Variants in SPOCK3 observed in about 807,000 individuals in gnomAD.
The protein encoded by SPOCK3 is SPARC (osteonectin), cwcv and kazal like domains proteoglycan 3, also known as testican-3.
SPOCK3 carries 30 observed loss-of-function variants against 56.6 expected under a neutral mutation model. The observed-to-expected ratio is 0.53, with a 90% CI of 0.40 to 0.72. SPOCK3 has a LOEUF of 0.72. Ranked by LOEUF, SPOCK3 falls within the 30% of genes least tolerant of loss-of-function variation. SPOCK3 has a pLI of 0.00. For synonymous variants in SPOCK3, 196 were observed against 183.3 expected, an observed-to-expected ratio of 1.07 and a Z score of -0.56; for missense variants, 527 against 530.0, an observed-to-expected ratio of 0.99 and a Z score of 0.06.
chr4:166,887,051 T>C (rs1734273766), intron 6 of SPOCK3, among the ~76,000 whole-genome samples: 2 of 152,182 alleles, frequency 1.3e-5, no homozygotes, highest in South Asian at 4.1e-4. Flanking sequence ...CCCTTGATGA[T>C]ATGACTTTTA....
intron 2 of SPOCK3, among the ~76,000 whole-genome samples, chr4:167,170,620 G>T (rs1419144132): frequency 6.6e-6 from 1 of 152,136 alleles, no homozygotes; most frequent in East Asian, 1.9e-4. Context: ...AAGTCACACA[G>T]CTGGAAAGTG....
rs556492894 is a variant in SPOCK3, at chr4:167,169,647, T to C, written c.189+64338A>G. ...GGACTGTGGACTTTTGAATTAATGC[T>C]GAAATTAGTTTAGAATTTAGGGGAC... On this transcript the variant is annotated intron_variant, in intron 2 of 10. Coordinates refer to ENST00000357545, the MANE Select transcript of SPOCK3 (RefSeq NM_001040159.2). Among the ~76,000 whole-genome samples, 11 of 152,316 alleles carry C rather than the reference T, an allele frequency of 7.2e-5. No individual in the cohort carries two copies. In the South Asian group the frequency reaches 1.7e-3, roughly 23 times the overall value.
chr4:166,996,561 C>A (rs1051514612), intron 4 of SPOCK3, among the ~76,000 whole-genome samples: 1 of 152,086 alleles, frequency 6.6e-6, no homozygotes, highest in African/African-American at 2.4e-5. Context: ...GGTTATGTTA[C>A]CATATTGGAA....
At chr4:167,139,614 G>T (rs931913199) in intron 2 of SPOCK3, among the ~76,000 whole-genome samples, 1 of 151,808 alleles carries the variant, frequency 6.6e-6, no homozygotes, top group African/African-American at 2.4e-5. Context: ...GGAGGATGTG[G>T]CTATGAGAAT....
At chr4:166,921,016 C>G (rs959343551) in intron 4 of SPOCK3, among the ~76,000 whole-genome samples, 1 of 152,088 alleles carries the variant, frequency 6.6e-6, no homozygotes, top group East Asian at 1.9e-4. Context: ...ATTATCATTG[C>G]CTTTCTCCTA....
intron 4 of SPOCK3, among the ~76,000 whole-genome samples, chr4:166,989,778 T>C (rs1253547611): frequency 6.6e-6 from 1 of 152,200 alleles, no homozygotes; most frequent in Non-Finnish European, 1.5e-5. Flanking sequence ...TAATGATAGC[T>C]ACTCACACAT....
chr4:166,752,886 C>T (rs1173950010), intron 8 of SPOCK3, among the ~76,000 whole-genome samples: 1 of 151,880 alleles, frequency 6.6e-6, no homozygotes, highest in African/African-American at 2.4e-5. Flanking sequence ...TGTATAAGCT[C>T]TTTTACTAGC....
intron 6 of SPOCK3, among the ~76,000 whole-genome samples, chr4:166,850,723 T>C (rs1271668176): frequency 2.0e-5 from 3 of 152,098 alleles, no homozygotes; most frequent in Non-Finnish European, 4.4e-5. Flanking sequence ...ACCTGGAAAA[T>C]CGGGTCACTC....
chr4:167,049,194 T>C (rs1235677605), intron 3 of SPOCK3, among the ~76,000 whole-genome samples: 1 of 151,730 alleles, frequency 6.6e-6, no homozygotes, highest in African/African-American at 2.4e-5. Context: ...AACCTCTGCC[T>C]CCTGGGTTCA....
At chr4:167,164,690 T>C (rs189637874) in intron 2 of SPOCK3, among the ~76,000 whole-genome samples, 316 of 151,706 alleles carry the variant, frequency 2.1e-3, no homozygotes, top group African/African-American at 7.0e-3. Context: ...GAACCTTCAG[T>C]GTTTGGTTTT....
intron 6 of SPOCK3, among the ~76,000 whole-genome samples, chr4:166,878,296 A>C (rs1733310241): frequency 6.6e-6 from 1 of 152,040 alleles, no homozygotes; most frequent in Non-Finnish European, 1.5e-5. Context: ...AATTGAAACA[A>C]AGTTATAAAC....
At position 166,782,429 on chromosome 4, in the gene SPOCK3, A is replaced by T. The variant is rs148869646; in HGVS notation, c.709+9741T>A. On this transcript the variant is annotated intron_variant, in intron 7 of 10. Coordinates refer to ENST00000357545, the MANE Select transcript of SPOCK3 (RefSeq NM_001040159.2). ...CACTAAAGTAAGTAGATAGAAAAAG[A>T]GTAAGGGTATAGATCTGAAAATCAT... is the stretch of plus-strand genomic sequence containing the variant. Among the ~76,000 whole-genome samples, 130 of 152,318 alleles carry T rather than the reference A, an allele frequency of 8.5e-4. 4 individuals carry two copies. The East Asian group carries it at 0.016, about 19-fold the overall frequency.
At chr4:166,939,277 C>T (rs1740791753) in intron 4 of SPOCK3, among the ~76,000 whole-genome samples, 1 of 151,956 alleles carries the variant, frequency 6.6e-6, no homozygotes, top group Admixed American at 6.6e-5. Context: ...ATATCATACC[C>T]ATAACTTGGA....
intron 6 of SPOCK3, among the ~76,000 whole-genome samples, chr4:166,828,883 A>T (rs901234354): frequency 2.6e-5 from 4 of 152,028 alleles, no homozygotes; most frequent in Non-Finnish European, 4.4e-5. Flanking sequence ...AGAGAAATGT[A>T]TCTTGCTTTT....
At chr4:167,113,165 T>C (rs1450221154) in intron 2 of SPOCK3, among the ~76,000 whole-genome samples, 1 of 152,160 alleles carries the variant, frequency 6.6e-6, no homozygotes, top group Non-Finnish European at 1.5e-5. Flanking sequence ...TAAAGCCAGT[T>C]GAGCTTTTTT....
intron 2 of SPOCK3, among the ~76,000 whole-genome samples, chr4:167,082,108 G>A (rs560268527): frequency 1.3e-5 from 2 of 152,164 alleles, no homozygotes; most frequent in African/African-American, 4.8e-5. Flanking sequence ...TAAATACTTT[G>A]GTATGAAGAG....
At chr4:167,105,463 T>TAAAAAAAAAAAAAAAAAAAAAAATA (rs552028589) in intron 2 of SPOCK3, among the ~76,000 whole-genome samples, 1 of 98,690 alleles carries the variant, frequency 1.0e-5, no homozygotes. Context: ...ACACAAAAAT[T>TAAAAAAAAAAAAAAAAAAAAAAATA]AAAAAAAAAA....
chr4:167,191,937 A>G lies in SPOCK3; in HGVS notation c.189+42048T>C, dbSNP rs939674080. Among the ~76,000 whole-genome samples, 3 of 145,462 alleles carry G rather than the reference A, an allele frequency of 2.1e-5. 1 individual carries two copies. The highest frequency in any genetic ancestry group is 7.9e-5 in the African/African-American group (3 of 38,152). On this transcript the variant is annotated intron_variant, in intron 2 of 10. Coordinates refer to ENST00000357545, the MANE Select transcript of SPOCK3 (RefSeq NM_001040159.2). ...AGCTTCTCATATATGTTCTTCATTA[A>G]GTTGAAGTACATTCCTTCTTTACCT...
intron 8 of SPOCK3, among the ~76,000 whole-genome samples, chr4:166,744,798 T>G (rs531852285): frequency 6.6e-6 from 1 of 152,080 alleles, no homozygotes; most frequent in East Asian, 1.9e-4. Context: ...TTAAGTGACC[T>G]GATGGAGCTG....
Sources: gnomAD v4.1 joint callset for allele counts (sites outside exome capture counted in the v4.1 genomes callset) on GRCh38, gnomAD v4.1.1 for gene constraint, MANE v1.5 for transcripts, NCBI Gene and HGNC (gene_info 2026-07-23, HGNC 2026-07-21) for gene names.